The following REXO1 variants were observed in gnomAD, a reference collection of about 807,000 sequenced individuals.
REXO1 encodes the protein REX1, RNA exonuclease 1 homolog.
A neutral mutation model predicts 102.6 loss-of-function variants in REXO1; 42 were observed. The observed-to-expected ratio is 0.41, with a 90% CI of 0.32 to 0.53. The LOEUF is 0.53. Among genes scored for constraint, REXO1 ranks in the 20% least tolerant of loss-of-function variants. REXO1 has a pLI of 0.27. For missense variants in REXO1, 1,819 were observed against 1,732.5 expected (o/e 1.05, Z -0.89); for synonymous variants, 908 against 779.1 (o/e 1.17, Z -2.76).
Position 1,848,408 on chromosome 19 carries a change from C to T in REXO1, c.-50G>A, listed in dbSNP as rs896456541. ...GCCCGGAGCCGCCCGGGCCCCAGGG[C>T]CCCCTCACTGGCGCCGCGGTCGCCG... On this transcript the variant is annotated 5_prime_UTR_variant, in exon 1 of 16. Transcript: ENST00000170168. 3.0e-5 allele frequency: 35 copies of T among 1,161,892 alleles called. No individual in the cohort carries two copies. The highest frequency in any genetic ancestry group is 3.4e-5 in the Non-Finnish European group (32 of 938,430). 72.0% of individuals were successfully genotyped at this position (1,161,892 alleles called of 1,614,324 possible). A position where few individuals can be genotyped will look rare whatever the true frequency, so the allele number is the denominator to read the frequency against.
rs947332818 is a variant in REXO1 at position 1,848,381 on chromosome 19, C to A, written c.-23G>T. ...CATGGTCCGTCCCGCGGCGGGGCCC[C>A]GGCCCGGAGCCGCCCGGGCCCCAGG... On this transcript the variant is annotated 5_prime_UTR_variant, in exon 1 of 16. Transcript: ENST00000170168. 8 of 1,196,618 alleles carry A rather than the reference C, an allele frequency of 6.7e-6. No individual in the cohort carries two copies. Among genetic ancestry groups the A allele is most frequent in the Non-Finnish European group, 8.3e-6 (8 of 959,948 alleles). 74.1% of individuals were successfully genotyped at this position (1,196,618 alleles called of 1,614,324 possible).
At chr19:1,828,957 G>A (rs1257766238) in intron 1 of REXO1, among the ~76,000 whole-genome samples, 7 of 152,254 alleles carry the variant, frequency 4.6e-5, no homozygotes, top group Non-Finnish European at 8.8e-5. Flanking sequence ...ACACTCGACA[G>A]GCTGGAACTC....
chr19:1,842,564 G>A lies in REXO1; in HGVS notation c.157+5638C>T, dbSNP rs142287020. Among the ~76,000 whole-genome samples, 7 of 152,362 alleles carry A rather than the reference G, an allele frequency of 4.6e-5. No individual in the cohort carries two copies. The East Asian group carries it at 9.6e-4, about 21-fold the overall frequency. On this transcript the variant is annotated intron_variant, in intron 1 of 15. Transcript: ENST00000170168. ...ACGGCCCACGCCTGGAGGCAGCTCC[G>A]GGCCCAGCAGCCAGGTTTTCAAAGC...
intron 1 of REXO1, among the ~76,000 whole-genome samples, chr19:1,838,530 T>C (rs769523899): frequency 6.0e-5 from 9 of 150,588 alleles, no homozygotes; most frequent in Non-Finnish European, 1.3e-4. Context: ...CTGGGCGCAG[T>C]AGCTCACGCC....
Position 1,825,830 on chromosome 19 carries a change from G to A in REXO1, c.2016+9C>T, listed in dbSNP as rs187421353. The A allele has an allele frequency of 1.8e-4, 288 of 1,580,290 alleles. No individual in the cohort carries two copies. The African/African-American group carries it at 2.5e-3, about 14-fold the overall frequency. ...AGGCTCCTGCTGGCCTGGCCTCTGC[G>A]GACCTTACCTCCTGGCCTTGCTTGG... is the stretch of plus-strand genomic sequence containing the variant. On this transcript the variant is annotated intron_variant, in intron 3 of 15. Coordinates refer to ENST00000170168, the MANE Select transcript of REXO1 (RefSeq NM_020695.4).
chr19:1,847,971 C>G (rs1162125730), intron 1 of REXO1, among the ~76,000 whole-genome samples: 1 of 152,224 alleles, frequency 6.6e-6, no homozygotes, highest in Non-Finnish European at 1.5e-5. Flanking sequence ...CCTGGCAGGA[C>G]GCGTCCTCCT....
Position 1,848,460 on chromosome 19 carries a change from C to A in REXO1, c.-102G>T, listed in dbSNP as rs976208057. On this transcript the variant is annotated 5_prime_UTR_variant, in exon 1 of 16. Coordinates refer to ENST00000170168, the MANE Select transcript of REXO1 (RefSeq NM_020695.4). The stretch of plus-strand genomic sequence containing the variant: ...CGCCCGCGCCTCACGGACCCCGCCG[C>A]CGCCATCTTGCTCCGAGGCCCCCGG... 1 of 905,994 alleles carries A rather than the reference C, an allele frequency of 1.1e-6. No homozygotes were observed. The highest frequency in any genetic ancestry group is 1.4e-6 in the Non-Finnish European group (1 of 739,694). The allele number at this position is 905,994 out of a possible 1,614,324, so 56.1% of individuals were successfully genotyped here.
intron 11 of REXO1, 60 bp downstream of exon 11, chr19:1,817,647 C>G: frequency 6.5e-7 from 1 of 1,540,962 alleles, no homozygotes; most frequent in Middle Eastern, 1.7e-4. Flanking sequence ...CCCACACCAA[C>G]GATGGGGAGG....
intron 11 of REXO1, 22 bp downstream of exon 11, chr19:1,817,685 G>A (rs1341385447): frequency 3.1e-6 from 5 of 1,607,916 alleles, no homozygotes; most frequent in Middle Eastern, 3.3e-4. Context: ...CAGGCAGAGG[G>A]GACTGGGACG....
intron 1 of REXO1, among the ~76,000 whole-genome samples, chr19:1,845,209 G>T (rs1568722472): frequency 6.6e-6 from 1 of 152,200 alleles, no homozygotes; most frequent in African/African-American, 2.4e-5. Flanking sequence ...AGCGGCCACT[G>T]GGGGGATAGT....
At chr19:1,847,934 G>C (rs566040734) in intron 1 of REXO1, among the ~76,000 whole-genome samples, 1 of 152,314 alleles carries the variant, frequency 6.6e-6, no homozygotes, top group South Asian at 2.1e-4. Context: ...TACTCAACAT[G>C]CGCTCGCACT....
chr19:1,828,700 C>T (rs772793574), intron 1 of REXO1, 69 bp from the exon 2 acceptor site: 79 of 1,478,274 alleles, frequency 5.3e-5, no homozygotes, highest in Non-Finnish European at 6.7e-5. Context: ...GGGGCGGCCC[C>T]GGTCTCAAAC....
chr19:1,823,593 G>A lies in REXO1; in HGVS notation c.2209C>T (p.Pro737Ser), dbSNP rs1029927904. ...TCACCTGCAGCCAGGCGGGGGTTGG[G>A]GATGTGGGCGATCCTCCTCTTCTCG... Reference protein sequence around the residue: ...PGEKRRIAHIPNPRLAAAPTG... With the variant: ...PGEKRRIAHISNPRLAAAPTG... The change falls in exon 4 of 16, where the codon CCC becomes TCC. Residue 737 changes from proline (P) to serine (S), a missense_variant. Pro to Ser is a moderately conservative substitution (Grantham distance 74, BLOSUM62 -1). Transcript: ENST00000170168. The A allele has an allele frequency of 6.1e-6, 8 of 1,321,228 alleles. No individual in the cohort carries two copies. The highest frequency in any genetic ancestry group is 7.8e-6 in the Non-Finnish European group (8 of 1,027,756). 81.8% of individuals were successfully genotyped at this position (1,321,228 alleles called of 1,614,324 possible). A position where few individuals can be genotyped will look rare whatever the true frequency, so the allele number is the denominator to read the frequency against.
Position 1,818,564 on chromosome 19 carries a change from G to A in REXO1, c.2934C>T (p.Thr978=), listed in dbSNP as rs761292494. 15 of 1,611,638 alleles carry A rather than the reference G, an allele frequency of 9.3e-6. No individual in the cohort carries two copies. Among genetic ancestry groups the A allele is most frequent in the Admixed American group, 5.0e-5 (3 of 59,882 alleles). The change falls in exon 10 of 16, where the codon ACC becomes ACT. Residue 978 remains threonine, a synonymous_variant. Coordinates refer to ENST00000170168, the MANE Select transcript of REXO1 (RefSeq NM_020695.4). ...GGCCTGAAGAGGACACGAGGTACTC[G>A]GTGCCACAGCGGCAGCAGGTCCTGC... is the stretch of plus-strand genomic sequence containing the variant. ...SSCRTCCRCG[T]EYLVSSSGRC...
At chr19:1,842,937 C>T (rs2011357075) in intron 1 of REXO1, among the ~76,000 whole-genome samples, 1 of 152,212 alleles carries the variant, frequency 6.6e-6, no homozygotes, top group Admixed American at 6.5e-5. Context: ...TTCCCATCGC[C>T]ATCCACCTGG....
At chr19:1,836,811 G>A (rs1044558663) in intron 1 of REXO1, among the ~76,000 whole-genome samples, 1 of 151,860 alleles carries the variant, frequency 6.6e-6, no homozygotes, top group Non-Finnish European at 1.5e-5. Flanking sequence ...CGTTCGGTGG[G>A]CCCGCAGGGC....
rs1214320076 is a variant in REXO1, at chr19:1,815,331, G to A, written c.*735C>T. On this transcript the variant is annotated 3_prime_UTR_variant, in exon 16 of 16. Transcript: ENST00000170168. This position sits in a 1 kb window ranked among gnomAD's most constrained non-coding sequence, Gnocchi z 4.0. ...GGAGAGCCCCGCAGAGGAGGACGGG[G>A]CTCTAGCGGGAAGACAGTGTCCGGA... The A allele has an allele frequency of 2.6e-5, 4 of 155,850 alleles. No individual in the cohort carries two copies. Among genetic ancestry groups the A allele is most frequent in the Non-Finnish European group, 4.3e-5 (3 of 70,422 alleles). The allele number at this position is 155,850 out of a possible 1,614,324, so 9.7% of individuals were successfully genotyped here.
Position 1,823,685 on chromosome 19 carries a change from G to A in REXO1, c.2117C>T (p.Ala706Val), listed in dbSNP as rs779279233. ...LRAQQAQRAS[A>V]SLLQAPARLA... ...CCTGGCGGGGGCCTGCAGCAAGCTCGCCGATGCCCTCTGCGCCTGCTGGGC... is the reference window on the plus strand; with the variant it reads ...CCTGGCGGGGGCCTGCAGCAAGCTCACCGATGCCCTCTGCGCCTGCTGGGC... Residue 706 changes from alanine (A) to valine (V), a missense_variant, in exon 4 of 16, where the codon GCG becomes GTG. Physicochemically the swap from Ala to Val is moderately conservative, Grantham distance 64 (BLOSUM62 0). Coordinates refer to ENST00000170168, the MANE Select transcript of REXO1 (RefSeq NM_020695.4). 1.1e-5 allele frequency: 14 copies of A among 1,288,188 alleles called. No homozygotes were observed. The highest frequency in any genetic ancestry group is 7.3e-5 in the Admixed American group (2 of 27,344). 79.8% of individuals were successfully genotyped at this position (1,288,188 alleles called of 1,614,324 possible).
chr19:1,821,567 A>T lies in REXO1; in HGVS notation c.2346T>A (p.Thr782=), dbSNP rs764636710. 6.2e-7 allele frequency: 1 copy of T among 1,613,886 alleles called. No individual in the cohort carries two copies. Among genetic ancestry groups the T allele is most frequent in the Admixed American group, 1.7e-5 (1 of 60,010 alleles). Residue 782 remains threonine, a synonymous_variant, in exon 5 of 16, where the codon ACT becomes ACA. Coordinates refer to ENST00000170168, the MANE Select transcript of REXO1 (RefSeq NM_020695.4). ...TTCGCTTAGGGATGATGGTGGTGGTAGTCTTGGACGCCATCCCCGACAATG... is the reference window on the plus strand; with the variant it reads ...TTCGCTTAGGGATGATGGTGGTGGTTGTCTTGGACGCCATCCCCGACAATG... The part of the protein sequence containing the change: ...TRTLSGMASK[T]TTTIIPKRIA...
Sources: allele counts gnomAD v4.1 joint callset (sites outside exome capture counted in the v4.1 genomes callset), GRCh38; gene constraint gnomAD v4.1.1; non-coding constraint Gnocchi (gnomAD v3.1); transcripts MANE v1.5; gene names NCBI Gene and HGNC (gene_info 2026-07-23, HGNC 2026-07-21).